Variants in AFF2 observed in about 807,000 individuals in gnomAD.
The protein encoded by AFF2 is AF4/FMR2 family member 2.
Under a neutral mutation model 76.9 loss-of-function variants are expected in AFF2, and 14 were observed. The observed-to-expected ratio is 0.18, with a 90% CI of 0.12 to 0.28. The LOEUF is 0.28. Among genes scored for constraint, AFF2 ranks in the 10% least tolerant of loss-of-function variants. The pLI, the probability that AFF2 is intolerant of heterozygous loss-of-function variation, is 1.00. For missense variants in AFF2, 868 were observed against 1,001.1 expected, an observed-to-expected ratio of 0.87 and a Z score of 1.79; for synonymous variants, 398 against 366.7, an observed-to-expected ratio of 1.09 and a Z score of -0.98.
intron 3 of AFF2, among the ~76,000 whole-genome samples, chrX:148,756,839 A>G (rs1480284037): frequency 1.8e-5 from 2 of 112,418 alleles, no homozygotes; most frequent in African/African-American, 6.5e-5. Context: ...AGACACATAA[A>G]TGTAGTAAGT....
chrX:148,766,898 C>T (rs2069526591), intron 3 of AFF2, among the ~76,000 whole-genome samples: 1 of 111,751 alleles, frequency 8.9e-6, no homozygotes, highest in Non-Finnish European at 1.9e-5. Context: ...AGTGTGGATT[C>T]TCTCTTGAAT....
chrX:148,546,430 A>C (rs782521896), intron 1 of AFF2, among the ~76,000 whole-genome samples: 4 of 112,320 alleles, frequency 3.6e-5, no homozygotes, highest in Admixed American at 9.4e-5. Flanking sequence ...ACCAACTGTG[A>C]TGATGACAAC....
At chrX:148,523,956 G>T (rs1323842720) in intron 1 of AFF2, among the ~76,000 whole-genome samples, 1 of 111,345 alleles carries the variant, frequency 9.0e-6, no homozygotes, top group Non-Finnish European at 1.9e-5. Flanking sequence ...TTTTCAAAGT[G>T]GCTCTTAGAT....
At chrX:148,888,684 G>A (rs1271141843) in intron 8 of AFF2, among the ~76,000 whole-genome samples, 3 of 111,462 alleles carry the variant, frequency 2.7e-5, no homozygotes, top group African/African-American at 9.8e-5. Flanking sequence ...CCATCATAAG[G>A]AGGAGTACTG....
intron 3 of AFF2, among the ~76,000 whole-genome samples, chrX:148,799,481 C>G (rs781953862): frequency 9.0e-6 from 1 of 111,699 alleles, no homozygotes; most frequent in Non-Finnish European, 1.9e-5. Flanking sequence ...CAACCTATAC[C>G]TACTGTGGCA....
In AFF2 at chrX:148,840,999, A is replaced by G. The variant is rs782232115; in HGVS notation, c.1174-1967A>G. Among the ~76,000 whole-genome samples the G allele has an allele frequency of 6.2e-5, 7 of 112,736 alleles. No individual in the cohort carries two copies. In the South Asian group the frequency reaches 2.2e-3, roughly 35 times the overall value. On this transcript the variant is annotated intron_variant, in intron 5 of 20. Coordinates refer to ENST00000370460, the MANE Select transcript of AFF2 (RefSeq NM_002025.4). Reference sequence around the variant, plus strand: ...TCAAGAATAAATATCAGTTACTCCAATTCAGTGAATAACACAATCTTCCAG... The same window carrying G: ...TCAAGAATAAATATCAGTTACTCCAGTTCAGTGAATAACACAATCTTCCAG...
intron 1 of AFF2, among the ~76,000 whole-genome samples, chrX:148,522,910 G>T (rs185781848): frequency 8.9e-6 from 1 of 112,400 alleles, no homozygotes; most frequent in Admixed American, 9.4e-5. Context: ...TCACACATGT[G>T]GGCATGCAAA....
chrX:148,758,532 A>G (rs1439040601), intron 3 of AFF2, among the ~76,000 whole-genome samples: 2 of 111,965 alleles, frequency 1.8e-5, no homozygotes, highest in Admixed American at 1.9e-4. Flanking sequence ...GGTGATATCT[A>G]TGTCTCTATC....
intron 4 of AFF2, among the ~76,000 whole-genome samples, chrX:148,817,946 G>A (rs940913983): frequency 1.2e-4 from 13 of 111,718 alleles, no homozygotes; most frequent in Admixed American, 2.8e-4. Flanking sequence ...ATAGAAATAA[G>A]TGGAAACATA....
chrX:148,954,375 T>C (rs16994865), intron 10 of AFF2, among the ~76,000 whole-genome samples: 17,424 of 111,246 alleles, frequency 0.16, 2,429 homozygotes, highest in African/African-American at 0.46. Context: ...GCATTTGGTA[T>C]AGCAAGTAAA....
chrX:148,716,587 G>A (rs1451682038), intron 3 of AFF2, among the ~76,000 whole-genome samples: 1 of 111,463 alleles, frequency 9.0e-6, no homozygotes, highest in Non-Finnish European at 1.9e-5. Context: ...TACTATGGAT[G>A]GCTCTGCTAC....
At chrX:148,628,060 G>C (rs782414791) in intron 1 of AFF2, among the ~76,000 whole-genome samples, 1 of 111,223 alleles carries the variant, frequency 9.0e-6, no homozygotes, top group African/African-American at 3.3e-5. Flanking sequence ...AGCCAAAGGT[G>C]GGAAAGGAGA....
chrX:148,920,683 A>T (rs191534858), intron 9 of AFF2, among the ~76,000 whole-genome samples: 14 of 109,796 alleles, frequency 1.3e-4, no homozygotes, highest in Non-Finnish European at 2.7e-4. Context: ...AGTATGGGAA[A>T]TTCTGAGTTT....
intron 5 of AFF2, 112 bp from the exon 6 acceptor site, chrX:148,842,854 G>A (rs1298087272): frequency 8.7e-6 from 5 of 571,952 alleles, no homozygotes; most frequent in Non-Finnish European, 1.1e-5. Flanking sequence ...GTTAACAGCA[G>A]CTTCCTATTT....
At chrX:148,905,794 T>C (rs1389505585) in intron 9 of AFF2, among the ~76,000 whole-genome samples, 4 of 112,798 alleles carry the variant, frequency 3.5e-5, no homozygotes, top group African/African-American at 1.3e-4. Flanking sequence ...TTTAATTCTA[T>C]TCTAATGGCC....
intron 7 of AFF2, among the ~76,000 whole-genome samples, chrX:148,871,641 G>A (rs1363091860): frequency 9.0e-6 from 1 of 111,516 alleles, no homozygotes; most frequent in Non-Finnish European, 1.9e-5. Context: ...GCGAATGGGG[G>A]CAGGTGATTT....
rs2053392723 is a variant in AFF2 at position 148,581,364 on chromosome X, G to GTC, written c.48-70634_48-70633insCT. ...CGTATACGTGTACACACATATATAC[G>GTC]TATACGTGTACACACATATACACGT... On this transcript the variant is annotated intron_variant, in intron 1 of 20. Transcript: ENST00000370460. 6.7e-5 allele frequency among the ~76,000 whole-genome samples: 7 copies of GTC among 104,355 alleles called. 1 individual carries two copies. Among genetic ancestry groups the GTC allele is most frequent in the Non-Finnish European group, 1.2e-4 (6 of 50,423 alleles). 90.6% of individuals were successfully genotyped at this position (104,355 alleles called of 115,157 possible).
intron 13 of AFF2, among the ~76,000 whole-genome samples, chrX:148,965,363 A>G (rs1424040318): frequency 1.8e-5 from 2 of 112,265 alleles, no homozygotes; most frequent in African/African-American, 6.5e-5. Flanking sequence ...TGTTTTCAAG[A>G]AGAGTTCTAG....
intron 9 of AFF2, among the ~76,000 whole-genome samples, chrX:148,922,302 AG>A (rs2071604991): frequency 8.9e-6 from 1 of 112,120 alleles, no homozygotes; most frequent in Non-Finnish European, 1.9e-5. Flanking sequence ...CCCTAGAGTC[AG>A]GGGAAGGAGC....
Sources: gnomAD v4.1 joint callset for allele counts (sites outside exome capture counted in the v4.1 genomes callset) on GRCh38, gnomAD v4.1.1 for gene constraint, MANE v1.5 for transcripts, NCBI Gene and HGNC (gene_info 2026-07-23, HGNC 2026-07-21) for gene names.